The following PRDM16 variants were observed in gnomAD, a reference collection of about 807,000 sequenced individuals.
PRDM16 encodes the protein PR/SET domain 16.
In PRDM16, 23 loss-of-function variants were observed where a neutral mutation model predicts 110.6. The ratio of observed to expected loss-of-function variants is 0.21; its 90% CI spans 0.15 to 0.29. The LOEUF (loss-of-function observed/expected upper bound fraction) is 0.29, where lower values mean the gene tolerates loss of function less well. PRDM16 is among the 10% of genes least tolerant of loss of function. PRDM16 has a pLI of 1.00. For synonymous variants in PRDM16, 799 were observed against 781.8 expected (o/e 1.02, Z -0.37); for missense variants, 1,615 against 1,794.3 (o/e 0.90, Z 1.81).
At chr1:3,321,819 T>A (rs750592129) in intron 3 of PRDM16, among the ~76,000 whole-genome samples, 2 of 149,588 alleles carry the variant, frequency 1.3e-5, no homozygotes, top group Non-Finnish European at 3.0e-5. Context: ...TAGGTGCACA[T>A]GTGTACATGT....
rs1643704722 is a variant in PRDM16, at chr1:3,412,267, G to A, written c.2070G>A (p.Gly690=). Residue 690 remains glycine (G), a synonymous_variant, in exon 9 of 17, where the codon GGG becomes GGA. Transcript: ENST00000270722. ...EQLLTATGAA[G]DSIKAIASIA... is the part of the protein sequence containing the mutation. ...TGCTGACTGCAACGGGCGCCGCCGG[G>A]GACTCCATCAAGGCCATCGCATCCA... is the stretch of plus-strand genomic sequence containing the variant. 8 of 1,613,086 alleles carry A rather than the reference G, an allele frequency of 5.0e-6. No homozygotes were observed. The highest frequency in any genetic ancestry group is 1.7e-5 in the Admixed American group (1 of 59,984).
chr1:3,140,659 C>T (rs1056149753), intron 1 of PRDM16, among the ~76,000 whole-genome samples: 8 of 152,262 alleles, frequency 5.3e-5, no homozygotes, highest in Admixed American at 3.3e-4. Context: ...ACCGGGACAG[C>T]GTCGCCACCA....
chr1:3,212,572 G>T (rs1175803962), intron 2 of PRDM16, among the ~76,000 whole-genome samples: 2 of 99,568 alleles, frequency 2.0e-5, no homozygotes, highest in South Asian at 3.5e-4. Context: ...CAGAGTCTTT[G>T]AAGGTGGAAT....
rs575970321 is a variant in PRDM16 at position 3,197,260 on chromosome 1, G to A, written c.387+10786G>A. On this transcript the variant is annotated intron_variant, in intron 2 of 16. Transcript: ENST00000270722. ...GGTGGACCCAGGACAAGAGCCCAGG[G>A]TCCCGACCCCCAGGCGGGCCCTTTC... Among the ~76,000 whole-genome samples the A allele has an allele frequency of 3.3e-5, 5 of 152,246 alleles. No homozygotes were observed. In the East Asian group the frequency reaches 9.7e-4, roughly 30 times the overall value.
At chr1:3,317,835 A>T (rs1452515076) in intron 3 of PRDM16, among the ~76,000 whole-genome samples, 1 of 152,276 alleles carries the variant, frequency 6.6e-6, no homozygotes, top group East Asian at 1.9e-4. Flanking sequence ...GCAAAATGAC[A>T]GGCTGGTTAA....
chr1:3,126,006 C>T (rs1643196893), intron 1 of PRDM16, among the ~76,000 whole-genome samples: 1 of 152,254 alleles, frequency 6.6e-6, no homozygotes, highest in Admixed American at 6.5e-5. Context: ...CCTGTGAAAC[C>T]TTGTAGAGAG....
intron 1 of PRDM16, among the ~76,000 whole-genome samples, chr1:3,161,330 T>G (rs936611704): frequency 2.0e-5 from 3 of 152,208 alleles, no homozygotes; most frequent in Non-Finnish European, 4.4e-5. Flanking sequence ...CGGGGAGGGT[T>G]CTTTGTTTGC....
In PRDM16 at chr1:3,385,028, G is replaced by T. The variant is rs1643171839; in HGVS notation, c.439-124G>T. On this transcript the variant is annotated intron_variant, in intron 3 of 16. Transcript: ENST00000270722. ...GCTGATGCCCGGAGGGTGGGCTGAG[G>T]TCTGGACGCCGACTTGCCTTCCTAC... 6 of 1,222,822 alleles carry T rather than the reference G, an allele frequency of 4.9e-6. No homozygotes were observed. In the South Asian group the frequency reaches 6.8e-5, roughly 14 times the overall value. 75.7% of individuals were successfully genotyped at this position (1,222,822 alleles called of 1,614,324 possible). A position where few individuals can be genotyped will look rare whatever the true frequency, so the allele number is the denominator to read the frequency against.
intron 12 of PRDM16, among the ~76,000 whole-genome samples, chr1:3,420,391 G>T (rs945916647): frequency 3.3e-5 from 5 of 152,242 alleles, no homozygotes; most frequent in Non-Finnish European, 7.3e-5. Context: ...CCCAGTGTGA[G>T]CCCCTTTCCG....
At chr1:3,312,786 A>T (rs1404678807) in intron 3 of PRDM16, among the ~76,000 whole-genome samples, 1 of 152,248 alleles carries the variant, frequency 6.6e-6, no homozygotes, top group Non-Finnish European at 1.5e-5. Context: ...CTGTTATGAG[A>T]TTCAACATTT....
intron 1 of PRDM16, among the ~76,000 whole-genome samples, chr1:3,104,040 C>T (rs944238280): frequency 9.8e-5 from 15 of 152,330 alleles, no homozygotes; most frequent in East Asian, 3.9e-4. Context: ...TGCCTTCCTC[C>T]GCCGAAGTCA....
In PRDM16 at chr1:3,290,584, GC is replaced by G. The variant is rs1341788079; in HGVS notation, c.438+46451del. ...AGCGAGAGGTGGCATCACTGAAGAAGCCCCGTGGCTCCGGCTCCGTCTGCAG... is the reference window on the plus strand; with the variant it reads ...AGCGAGAGGTGGCATCACTGAAGAAGCCCGTGGCTCCGGCTCCGTCTGCAG... On this transcript the variant is annotated intron_variant, in intron 3 of 16. Coordinates refer to ENST00000270722, the MANE Select transcript of PRDM16 (RefSeq NM_022114.4). This position sits in a 1 kb window ranked among gnomAD's most constrained non-coding sequence, Gnocchi z 4.8. Among the ~76,000 whole-genome samples the G allele has an allele frequency of 6.6e-6, 1 of 152,210 alleles. No individual in the cohort carries two copies. Among genetic ancestry groups the G allele is most frequent in the Non-Finnish European group, 1.5e-5 (1 of 68,038 alleles).
chr1:3,116,089 G>A (rs1224548166), intron 1 of PRDM16, among the ~76,000 whole-genome samples: 1 of 152,320 alleles, frequency 6.6e-6, no homozygotes, highest in East Asian at 1.9e-4. Context: ...CACGGCAGGC[G>A]TCAGGTTGAG....
intron 1 of PRDM16, among the ~76,000 whole-genome samples, chr1:3,086,622 C>T (rs1455844415): frequency 6.6e-6 from 1 of 152,124 alleles, no homozygotes; most frequent in East Asian, 1.9e-4. Context: ...GCTGGGGCTC[C>T]CTTCCCCCAG....
intron 3 of PRDM16, among the ~76,000 whole-genome samples, chr1:3,298,960 G>A (rs112584374): frequency 9.2e-5 from 14 of 152,354 alleles, no homozygotes; most frequent in African/African-American, 3.4e-4. Flanking sequence ...TCCAGCCAGG[G>A]CTGTCTGGAT....
intron 1 of PRDM16, among the ~76,000 whole-genome samples, chr1:3,086,231 G>C (rs1363357188): frequency 6.6e-6 from 1 of 152,162 alleles, no homozygotes; most frequent in Non-Finnish European, 1.5e-5. Context: ...AAAACCATAA[G>C]GTGCTTGCCT....
At chr1:3,168,341 T>C (rs2742663) in intron 1 of PRDM16, among the ~76,000 whole-genome samples, 18,523 of 51,836 alleles carry the variant, frequency 0.36, 5,404 homozygotes, top group African/African-American at 0.62. Flanking sequence ...CCCGTTCCCA[T>C]GCAGCCATCC....
intron 3 of PRDM16, among the ~76,000 whole-genome samples, chr1:3,269,790 C>CAG: frequency 6.9e-6 from 1 of 145,414 alleles, no homozygotes; most frequent in African/African-American, 2.6e-5. Flanking sequence ...GGAGGAAAGT[C>CAG]TCAGAGGAGG....
chr1:3,106,163 G>C (rs995660546), intron 1 of PRDM16, among the ~76,000 whole-genome samples: 5 of 152,212 alleles, frequency 3.3e-5, no homozygotes, highest in Non-Finnish European at 5.9e-5. Context: ...GGCGGGGTAT[G>C]GGGGGAAGCC....
Sources: allele counts gnomAD v4.1 joint callset (sites outside exome capture counted in the v4.1 genomes callset), GRCh38; gene constraint gnomAD v4.1.1; non-coding constraint Gnocchi (gnomAD v3.1); transcripts MANE v1.5; gene names NCBI Gene and HGNC (gene_info 2026-07-23, HGNC 2026-07-21).